Variants in PSMA6 observed in about 807,000 individuals in gnomAD.
PSMA6 encodes proteasome subunit alpha type-6.
For missense variants in PSMA6, 170 were observed against 294.8 expected (o/e 0.58, Z 3.10); for synonymous variants, 88 against 97.7 (o/e 0.90, Z 0.59).
intron 1 of PSMA6, among the ~76,000 whole-genome samples, chr14:35,302,149 G>C (rs915636561): frequency 2.6e-5 from 4 of 152,060 alleles, no homozygotes; most frequent in Non-Finnish European, 5.9e-5. Flanking sequence ...ATATATTTTG[G>C]GGATGCATTT....
intron 5 of PSMA6, chr14:35,314,033 T>G (rs2051992387): frequency 6.3e-6 from 1 of 159,192 alleles, no homozygotes; most frequent in African/African-American, 2.4e-5. Context: ...TCCTTGAAGA[T>G]GCAGAGAGTA....
At chr14:35,300,944 T>A (rs1363709139) in intron 1 of PSMA6, among the ~76,000 whole-genome samples, 7 of 152,202 alleles carry the variant, frequency 4.6e-5, no homozygotes. Context: ...TAGACATGTC[T>A]GTGGCTAATA....
intron 1 of PSMA6, among the ~76,000 whole-genome samples, chr14:35,282,646 C>T (rs1315700487): frequency 6.6e-6 from 1 of 152,032 alleles, no homozygotes; most frequent in Non-Finnish European, 1.5e-5. Flanking sequence ...CATCTAGGAG[C>T]TCAAGACCAG....
At chr14:35,297,200 A>G (rs995110384) in intron 1 of PSMA6, among the ~76,000 whole-genome samples, 1 of 143,816 alleles carries the variant, frequency 7.0e-6, no homozygotes, top group African/African-American at 2.6e-5. Flanking sequence ...CCAGTAGAAC[A>G]TCCCGTTTTA....
intron 1 of PSMA6, among the ~76,000 whole-genome samples, chr14:35,304,666 G>A (rs1216119298): frequency 6.6e-6 from 1 of 150,924 alleles, no homozygotes; most frequent in Non-Finnish European, 1.5e-5. Flanking sequence ...GGCAGGGGTT[G>A]CAGTAAGCCA....
At chr14:35,292,304 C>T (rs992261579), upstream of PSMA6, 4 of 1,433,398 alleles carry the variant, frequency 2.8e-6, no homozygotes, top group Non-Finnish European at 3.7e-6. Context: ...GGGGCGGGGC[C>T]TCAGAGCTCA....
Position 35,278,729 on chromosome 14 carries a change from C to G in PSMA6, c.19+11C>G, listed in dbSNP as rs780466818. On this transcript the variant is annotated intron_variant, in intron 1 of 6. Coordinates refer to the PSMA6 transcript ENST00000540871. ...CAGGTCTTCGGAGAGGTAAGTCCCT[C>G]ACTCAGACTTGTTGCTTGAGATGTA... 5.2e-6 allele frequency: 8 copies of G among 1,534,112 alleles called. No homozygotes were observed. In the South Asian group the frequency reaches 9.5e-5, roughly 18 times the overall value.
chr14:35,287,535 G>T (rs1254252595), upstream of PSMA6, among the ~76,000 whole-genome samples: 1 of 150,582 alleles, frequency 6.6e-6, no homozygotes, highest in African/African-American at 2.4e-5. Flanking sequence ...CAGTCTCTGG[G>T]AATCTACACT....
At chr14:35,291,823 C>CAAAA (rs113987343), upstream of PSMA6, among the ~76,000 whole-genome samples, 1,059 of 47,680 alleles carry the variant, frequency 0.022, 33 homozygotes, top group African/African-American at 0.069. Flanking sequence ...AACTCTGTCT[C>CAAAA]AAAAAAAAAA....
At chr14:35,288,754 G>A (rs1002645411), upstream of PSMA6, among the ~76,000 whole-genome samples, 11 of 152,148 alleles carry the variant, frequency 7.2e-5, no homozygotes, top group Admixed American at 1.3e-4. Context: ...TGCAGGGTGC[G>A]TAATATGTGT....
chr14:35,283,966 A>G (rs1046264741), intron 1 of PSMA6, among the ~76,000 whole-genome samples: 2 of 152,186 alleles, frequency 1.3e-5, no homozygotes, highest in Non-Finnish European at 2.9e-5. Flanking sequence ...TCTATTATCA[A>G]TAGCCTCCTG....
intron 1 of PSMA6, among the ~76,000 whole-genome samples, chr14:35,279,391 A>G (rs2051341358): frequency 6.6e-6 from 1 of 152,206 alleles, no homozygotes; most frequent in African/African-American, 2.4e-5. Context: ...AAAAAGGGGC[A>G]GCCAGCTTAA....
At chr14:35,301,983 AT>A (rs11285398) in intron 1 of PSMA6, among the ~76,000 whole-genome samples, 66,606 of 150,598 alleles carry the variant, frequency 0.44, 15,529 homozygotes, top group African/African-American at 0.61. Flanking sequence ...AGCTTAGGTG[AT>A]TTTTTTTTTC....
At chr14:35,297,473 C>T (rs1367113966) in intron 1 of PSMA6, among the ~76,000 whole-genome samples, 1 of 152,070 alleles carries the variant, frequency 6.6e-6, no homozygotes, top group Non-Finnish European at 1.5e-5. Context: ...CCTCGGCCTC[C>T]CAAAGTGCTG....
intron 1 of PSMA6, among the ~76,000 whole-genome samples, chr14:35,297,155 G>A (rs1018806771): frequency 6.8e-4 from 66 of 96,426 alleles, no homozygotes; most frequent in African/African-American, 2.7e-3. Flanking sequence ...TTGCCACACA[G>A]CATTGAAATT....
At chr14:35,316,119 C>A (rs1269611260) in intron 6 of PSMA6, 2 of 152,326 alleles carry the variant, frequency 1.3e-5, no homozygotes, top group East Asian at 3.9e-4. Context: ...CACATGGTGG[C>A]TCACACCTGT....
intron 1 of PSMA6, among the ~76,000 whole-genome samples, chr14:35,296,906 G>A (rs934883426): frequency 1.3e-5 from 2 of 151,872 alleles, no homozygotes; most frequent in Admixed American, 6.6e-5. Context: ...AAAGTGATGG[G>A]ATCAAATACT....
intron 6 of PSMA6, chr14:35,316,048 T>C (rs111645634): frequency 3.3e-5 from 5 of 152,318 alleles, no homozygotes; most frequent in African/African-American, 9.6e-5. Context: ...ATTAACAAGG[T>C]TGCCAAACAA....
At chr14:35,301,060 T>A (rs2051701983) in intron 1 of PSMA6, among the ~76,000 whole-genome samples, 1 of 152,040 alleles carries the variant, frequency 6.6e-6, no homozygotes, top group Admixed American at 6.6e-5. Context: ...TGGTTTAGGG[T>A]AAAATCATCC....
Sources: allele counts gnomAD v4.1 joint callset (sites outside exome capture counted in the v4.1 genomes callset), GRCh38; gene constraint gnomAD v4.1.1; transcripts MANE v1.5; gene names NCBI Gene and HGNC (gene_info 2026-07-23, HGNC 2026-07-21).